Variants in UHMK1 observed in about 807,000 individuals in gnomAD.
UHMK1 encodes serine/threonine-protein kinase Kist.
A neutral mutation model predicts 44.0 loss-of-function variants in UHMK1; 18 were observed. The observed-to-expected ratio is 0.41, with a 90% CI of 0.28 to 0.61. The LOEUF (loss-of-function observed/expected upper bound fraction) is 0.61. Ranked by LOEUF, UHMK1 falls within the 20% of genes least tolerant of loss-of-function variation. UHMK1 has a pLI of 0.31. For missense variants in UHMK1, 463 were observed against 522.5 expected (o/e 0.89, Z 1.11); for synonymous variants, 231 against 198.5 (o/e 1.16, Z -1.38).
chr1:162,515,157 A>T (rs1335925227), intron 6 of UHMK1, among the ~76,000 whole-genome samples: 1 of 152,136 alleles, frequency 6.6e-6, no homozygotes, highest in Non-Finnish European at 1.5e-5. Context: ...TTAAAACAGC[A>T]AACAGAAAGC....
rs1652191631 is a variant in UHMK1, at chr1:162,524,928, T to C, written c.*2378T>C. 2 of 152,248 alleles carry C rather than the reference T, an allele frequency of 1.3e-5. No individual in the cohort carries two copies. The highest frequency in any genetic ancestry group is 3.9e-4 in the East Asian group (2 of 5,194). 9.4% of individuals were successfully genotyped at this position (152,248 alleles called of 1,614,324 possible). ...TTGTTGTTTTGAGATGATGTCTTGC[T>C]CTGTTGCCCAGGCTGGAGTGCAGTG... On this transcript the variant is annotated 3_prime_UTR_variant, in exon 8 of 8. Transcript: ENST00000489294.
chr1:162,514,147 G>A (rs575895288), intron 6 of UHMK1, among the ~76,000 whole-genome samples: 11 of 152,194 alleles, frequency 7.2e-5, no homozygotes, highest in African/African-American at 2.7e-4. Context: ...AAATTAGCTG[G>A]ACGTGGTGGC....
intron 4 of UHMK1, among the ~76,000 whole-genome samples, chr1:162,508,114 G>GT (rs1651543087): frequency 6.6e-6 from 1 of 151,246 alleles, no homozygotes; most frequent in Non-Finnish European, 1.5e-5. Flanking sequence ...GCTCATTTGA[G>GT]TTTTTTGCAG....
Position 162,498,286 on chromosome 1 carries a change from C to T in UHMK1, c.268+18C>T. The T allele has an allele frequency of 1.3e-6, 2 of 1,566,640 alleles. No individual in the cohort carries two copies. ...AAACATCGGTAATTGCCGCTGTCTC[C>T]TTTCTCTTCTTGCCCAGGTCACAGT... is the stretch of plus-strand genomic sequence containing the variant. On this transcript the variant is annotated intron_variant, in intron 1 of 7. Transcript: ENST00000489294.
Position 162,500,157 on chromosome 1 carries a change from G to A in UHMK1, c.471G>A (p.Ala157=), listed in dbSNP as rs767610803. ...TTCATCATGAGGGCTATGTCCATGC[G>A]GACCTCAAACCACGTAACATATTGT... is the stretch of plus-strand genomic sequence containing the variant. The part of the protein sequence containing the change: ...AFLHHEGYVH[A]DLKPRNILWS... The change falls in exon 2 of 8, where the codon GCG becomes GCA. Residue 157 remains alanine, a synonymous_variant. Transcript: ENST00000489294. 65 of 1,614,030 alleles carry A rather than the reference G, an allele frequency of 4.0e-5. No individual in the cohort carries two copies. Among genetic ancestry groups the A allele is most frequent in the Non-Finnish European group, 5.2e-5 (61 of 1,180,044 alleles).
upstream of UHMK1, chr1:162,497,790 A>C (rs1223416368): frequency 6.4e-6 from 8 of 1,250,706 alleles, no homozygotes; most frequent in Admixed American, 4.1e-5. Context: ...GGCCTGTATG[A>C]TAGGCTCTTC....
At position 162,527,593 on chromosome 1, in the gene UHMK1, A is replaced by G. The variant is rs1177247376; in HGVS notation, c.*5043A>G. 3 of 152,034 alleles carry G rather than the reference A, an allele frequency of 2.0e-5. No individual in the cohort carries two copies. The highest frequency in any genetic ancestry group is 4.4e-5 in the Non-Finnish European group (3 of 67,948). The allele number at this position is 152,034 out of a possible 1,614,324, so 9.4% of individuals were successfully genotyped here. A position where few individuals can be genotyped will look rare whatever the true frequency, so the allele number is the denominator to read the frequency against. On this transcript the variant is annotated 3_prime_UTR_variant, in exon 8 of 8. Coordinates refer to ENST00000489294, the MANE Select transcript of UHMK1 (RefSeq NM_175866.5). ...TAAATTTGCTTTATTTGTGCTTTTC[A>G]GAGAGTTGTCATAATTGTGGCAGTT...
chr1:162,497,567 A>G (rs1651091911), upstream of UHMK1, among the ~76,000 whole-genome samples: 1 of 151,852 alleles, frequency 6.6e-6, no homozygotes. Context: ...GCCGGGTTTT[A>G]TTTTTCGGGT....
chr1:162,516,375 T>C (rs1651834585), intron 6 of UHMK1, among the ~76,000 whole-genome samples: 1 of 151,970 alleles, frequency 6.6e-6, no homozygotes, highest in Non-Finnish European at 1.5e-5. Context: ...CCTTACATTA[T>C]AGACCAAATT....
intron 7 of UHMK1, among the ~76,000 whole-genome samples, chr1:162,521,100 C>T (rs1041526929): frequency 7.2e-5 from 11 of 152,128 alleles, no homozygotes; most frequent in South Asian, 2.1e-4. Flanking sequence ...ACCTAGTTGT[C>T]GAAGCCATTC....
intron 6 of UHMK1, among the ~76,000 whole-genome samples, chr1:162,513,392 C>G (rs1377716131): frequency 6.6e-6 from 1 of 152,150 alleles, no homozygotes; most frequent in Non-Finnish European, 1.5e-5. Context: ...TTTTAGCTCT[C>G]TTTTTTGCTT....
chr1:162,504,247 C>T (rs1174490334), intron 4 of UHMK1, among the ~76,000 whole-genome samples: 3 of 152,154 alleles, frequency 2.0e-5, no homozygotes, highest in Non-Finnish European at 4.4e-5. Context: ...TAAATAATTA[C>T]TCTTGACAAC....
At chr1:162,498,832 A>G (rs1180336524) in intron 1 of UHMK1, among the ~76,000 whole-genome samples, 1 of 152,250 alleles carries the variant, frequency 6.6e-6, no homozygotes, top group Non-Finnish European at 1.5e-5. Context: ...ATATGTAATG[A>G]TCACTGATGA....
chr1:162,526,867 G>GT lies in UHMK1; in HGVS notation c.*4318dup. 6.6e-6 allele frequency: 1 copy of GT among 152,094 alleles called. No homozygotes were observed. The highest frequency in any genetic ancestry group is 1.9e-4 in the East Asian group (1 of 5,184). The allele number at this position is 152,094 out of a possible 1,614,324, so 9.4% of individuals were successfully genotyped here. On this transcript the variant is annotated 3_prime_UTR_variant, in exon 8 of 8. Coordinates refer to ENST00000489294, the MANE Select transcript of UHMK1 (RefSeq NM_175866.5). ...GGTTCCTTCATCAAATTTTACTACT[G>GT]TAGCTCTGTGATATAATTTCATTTC...
intron 3 of UHMK1, 134 bp from the exon 4 acceptor site, chr1:162,503,611 CAAAAAAAAA>C: frequency 1.7e-5 from 6 of 356,076 alleles, no homozygotes; most frequent in Admixed American, 5.3e-5. Flanking sequence ...ACCCTGTCTC[CAAAAAAAAA>C]AAAAAAAAAA....
rs758797652 is a variant in UHMK1 at position 162,523,621 on chromosome 1, T to C, written c.*1071T>C. 4.6e-5 allele frequency: 7 copies of C among 152,490 alleles called. No individual in the cohort carries two copies. The highest frequency in any genetic ancestry group is 7.3e-5 in the Non-Finnish European group (5 of 68,030). 9.4% of individuals were successfully genotyped at this position (152,490 alleles called of 1,614,324 possible). A position where few individuals can be genotyped will look rare whatever the true frequency, so the allele number is the denominator to read the frequency against. On this transcript the variant is annotated 3_prime_UTR_variant, in exon 8 of 8. Transcript: ENST00000489294. ...TGAAGTGGGTCAAAAGAATTAGATG[T>C]ACAGTGAAGGGAAAAGAAAAAAAAT...
At chr1:162,516,043 A>C (rs1337856191) in intron 6 of UHMK1, among the ~76,000 whole-genome samples, 2 of 152,002 alleles carry the variant, frequency 1.3e-5, no homozygotes, top group East Asian at 1.9e-4. Flanking sequence ...CAAAAAAAAA[A>C]AACAACAAAA....
At position 162,498,283 on chromosome 1, in the gene UHMK1, C is replaced by T; in HGVS notation, c.268+15C>T. 6.4e-7 allele frequency: 1 copy of T among 1,569,258 alleles called. No individual in the cohort carries two copies. The highest frequency in any genetic ancestry group is 1.8e-5 in the Admixed American group (1 of 56,568). ...CAGAAACATCGGTAATTGCCGCTGT[C>T]TCCTTTCTCTTCTTGCCCAGGTCAC... On this transcript the variant is annotated intron_variant, in intron 1 of 7. Transcript: ENST00000489294.
rs1651207167 is a variant in UHMK1, at chr1:162,499,994, A to G, written c.308A>G (p.Asn103Ser). The G allele has an allele frequency of 1.9e-6, 3 of 1,614,156 alleles. No homozygotes were observed. Among genetic ancestry groups the G allele is most frequent in the East Asian group, 2.2e-5 (1 of 44,886 alleles). ...YGVFTIHFSP[N>S]VPSRCLLLEL... ...GTGTTTACAATCCACTTTTCTCCAAATGTGCCATCACGCTGTCTGTTGCTT... is the reference window on the plus strand; with the variant it reads ...GTGTTTACAATCCACTTTTCTCCAAGTGTGCCATCACGCTGTCTGTTGCTT... The change falls in exon 2 of 8, where the codon AAT becomes AGT. Residue 103 changes from asparagine to serine, a missense_variant. Coordinates refer to ENST00000489294, the MANE Select transcript of UHMK1 (RefSeq NM_175866.5).
Sources: allele counts gnomAD v4.1 joint callset (sites outside exome capture counted in the v4.1 genomes callset), GRCh38; gene constraint gnomAD v4.1.1; transcripts MANE v1.5; gene names NCBI Gene and HGNC (gene_info 2026-07-23, HGNC 2026-07-21).